DACH2: variants seen among roughly 807,000 people sequenced by gnomAD.
DACH2 encodes dachshund family transcription factor 2, also known as dachshund homolog 2.
DACH2 carries 17 observed loss-of-function variants against 35.8 expected under a neutral mutation model. The ratio of observed to expected loss-of-function variants is 0.48; its 90% CI spans 0.33 to 0.71. The LOEUF (loss-of-function observed/expected upper bound fraction) is 0.71, where lower values mean the gene tolerates loss of function less well. Ranked by LOEUF, DACH2 falls within the 30% of genes least tolerant of loss-of-function variation. The pLI is 0.02. For missense variants in DACH2, 469 were observed against 472.7 expected, an observed-to-expected ratio of 0.99 and a Z score of 0.07; for synonymous variants, 195 against 177.3, an observed-to-expected ratio of 1.10 and a Z score of -0.79.
intron 1 of DACH2, among the ~76,000 whole-genome samples, chrX:86,284,550 T>G (rs2034106305): frequency 9.2e-6 from 1 of 109,258 alleles, no homozygotes; most frequent in South Asian, 3.7e-4. Flanking sequence ...GTAGTTTTCT[T>G]TTCTTTCTTT....
chrX:86,402,440 AG>A (rs979965740), intron 2 of DACH2, among the ~76,000 whole-genome samples: 7 of 111,765 alleles, frequency 6.3e-5, no homozygotes, highest in African/African-American at 2.3e-4. Flanking sequence ...GTAGTCACAA[AG>A]AAAATGAAAT....
intron 3 of DACH2, among the ~76,000 whole-genome samples, chrX:86,618,048 G>A (rs2040027072): frequency 8.9e-6 from 1 of 111,919 alleles, no homozygotes; most frequent in Non-Finnish European, 1.9e-5. Flanking sequence ...GGCTGAGGTG[G>A]GGGCATTGCT....
chrX:86,467,274 A>T (rs987945980), intron 2 of DACH2, among the ~76,000 whole-genome samples: 1 of 111,456 alleles, frequency 9.0e-6, no homozygotes, highest in Admixed American at 9.6e-5. Context: ...TCAAGTTCAC[A>T]GTTCCACAGA....
intron 11 of DACH2, chrX:86,831,886 G>A (rs944602272): frequency 2.7e-5 from 10 of 365,394 alleles, no homozygotes; most frequent in Non-Finnish European, 4.2e-5. Flanking sequence ...CTCCGGTGCT[G>A]TGGAAAGAAG....
intron 1 of DACH2, among the ~76,000 whole-genome samples, chrX:86,176,405 C>T (rs963771605): frequency 9.1e-6 from 1 of 110,432 alleles, no homozygotes; most frequent in African/African-American, 3.3e-5. Flanking sequence ...GTGACTGAAG[C>T]GCAGAGGACA....
intron 7 of DACH2, among the ~76,000 whole-genome samples, chrX:86,741,349 T>C (rs187653917): frequency 2.6e-4 from 29 of 111,620 alleles, no homozygotes; most frequent in African/African-American, 8.1e-4. Context: ...CCAATTATAA[T>C]CACCTATGGA....
chrX:86,683,813 A>T (rs2040910217), intron 4 of DACH2, among the ~76,000 whole-genome samples: 1 of 111,418 alleles, frequency 9.0e-6, no homozygotes, highest in African/African-American at 3.3e-5. Flanking sequence ...TCCTTAAAAC[A>T]ACCCTAGAGT....
At chrX:86,608,944 G>A (rs1052714653) in intron 3 of DACH2, among the ~76,000 whole-genome samples, 1 of 111,315 alleles carries the variant, frequency 9.0e-6, no homozygotes, top group Admixed American at 9.6e-5. Flanking sequence ...ATGCCTTGTG[G>A]TAGTCTTTTT....
At chrX:86,277,106 T>C (rs2033930016) in intron 1 of DACH2, among the ~76,000 whole-genome samples, 1 of 111,921 alleles carries the variant, frequency 8.9e-6, no homozygotes, top group Non-Finnish European at 1.9e-5. Flanking sequence ...ACTGATTCTG[T>C]AGATTGCTTT....
chrX:86,685,217 A>T (rs1450269818), intron 4 of DACH2, among the ~76,000 whole-genome samples: 1 of 111,626 alleles, frequency 9.0e-6, no homozygotes, highest in East Asian at 2.8e-4. Context: ...AGTTGAGTGT[A>T]CATAGAACAT....
At chrX:86,232,237 A>C (rs1186509188) in intron 1 of DACH2, among the ~76,000 whole-genome samples, 1 of 111,948 alleles carries the variant, frequency 8.9e-6, no homozygotes, top group Non-Finnish European at 1.9e-5. Flanking sequence ...TAAAACCCAA[A>C]ACTGTAAAAA....
At chrX:86,579,778 G>C (rs186895776) in intron 3 of DACH2, among the ~76,000 whole-genome samples, 123 of 112,267 alleles carry the variant, frequency 1.1e-3, no homozygotes, top group African/African-American at 3.9e-3. Context: ...TTGGCATATA[G>C]CTTGCAATTT....
At chrX:86,436,290 G>A (rs1380802053) in intron 2 of DACH2, among the ~76,000 whole-genome samples, 1 of 109,787 alleles carries the variant, frequency 9.1e-6, no homozygotes, top group African/African-American at 3.3e-5. Context: ...TTTTCATCTT[G>A]TTCAAGATTA....
intron 7 of DACH2, among the ~76,000 whole-genome samples, chrX:86,762,653 AT>A (rs969139006): frequency 2.7e-5 from 3 of 111,523 alleles, no homozygotes; most frequent in Admixed American, 9.6e-5. Context: ...CCACTTTTTA[AT>A]TTTTTTAATT....
chrX:86,254,807 T>TATATATATATAGAGAGAGAGAGAG (rs1380613474), intron 1 of DACH2, among the ~76,000 whole-genome samples: 2 of 49,652 alleles, frequency 4.0e-5, no homozygotes, highest in African/African-American at 2.3e-4. Context: ...TATATATATA[T>TATATATATATAGAGAGAGAGAGAG]AGAGAGAGAG....
intron 3 of DACH2, among the ~76,000 whole-genome samples, chrX:86,541,551 ATTGGGTTAACACCT>A (rs2038881627): frequency 9.0e-6 from 1 of 111,503 alleles, no homozygotes; most frequent in Non-Finnish European, 1.9e-5. Context: ...CCCAGGTCTC[ATTGGGTTAACACCT>A]TAGTTTGATA....
At chrX:86,273,482 A>G (rs1450695545) in intron 1 of DACH2, among the ~76,000 whole-genome samples, 1 of 112,266 alleles carries the variant, frequency 8.9e-6, no homozygotes, top group Non-Finnish European at 1.9e-5. Flanking sequence ...CTTCTGAAAG[A>G]GTACATATAT....
At chrX:86,662,922 CTT>C (rs957679865) in intron 4 of DACH2, among the ~76,000 whole-genome samples, 5 of 111,109 alleles carry the variant, frequency 4.5e-5, no homozygotes, top group South Asian at 3.8e-4. Flanking sequence ...CATATATAGT[CTT>C]TATCTGTATA....
chrX:86,653,663 C>CTTTTT (rs34499664), intron 4 of DACH2, among the ~76,000 whole-genome samples: 2 of 69,678 alleles, frequency 2.9e-5, no homozygotes, highest in Admixed American at 1.6e-4. Flanking sequence ...ATATAAAATC[C>CTTTTT]TTTTTTTTTT....
Sources: allele counts gnomAD v4.1 joint callset (sites outside exome capture counted in the v4.1 genomes callset), GRCh38; gene constraint gnomAD v4.1.1; transcripts MANE v1.5; gene names NCBI Gene and HGNC (gene_info 2026-07-23, HGNC 2026-07-21).